DNER: variants seen among roughly 807,000 people sequenced by gnomAD.
The protein encoded by DNER is delta and Notch-like epidermal growth factor-related receptor.
Under a neutral mutation model 78.2 loss-of-function variants are expected in DNER, and 33 were observed. The ratio of observed to expected loss-of-function variants is 0.42; its 90% CI spans 0.32 to 0.56. The LOEUF (loss-of-function observed/expected upper bound fraction) is 0.56, where lower values mean the gene tolerates loss of function less well. DNER is among the 20% of genes least tolerant of loss of function. The pLI is 0.11. For synonymous variants in DNER, 417 were observed against 384.8 expected (o/e 1.08, Z -0.98); for missense variants, 918 against 975.3 (o/e 0.94, Z 0.78).
intron 5 of DNER, among the ~76,000 whole-genome samples, chr2:229,543,643 C>T (rs772498804): frequency 3.3e-5 from 5 of 152,114 alleles, no homozygotes; most frequent in South Asian, 2.1e-4. Flanking sequence ...CTGTGTGTCT[C>T]CTCCTCCTCC....
chr2:229,407,617 A>G (rs533559685), intron 9 of DNER, among the ~76,000 whole-genome samples: 1 of 152,318 alleles, frequency 6.6e-6, no homozygotes, highest in South Asian at 2.1e-4. Context: ...AAGCCTGGGG[A>G]ACAGAAAGTT....
chr2:229,549,783 C>T (rs1407991214), intron 4 of DNER, among the ~76,000 whole-genome samples: 2 of 151,702 alleles, frequency 1.3e-5, no homozygotes, highest in Non-Finnish European at 2.9e-5. Context: ...TGTTGGCATG[C>T]GCCTGTAATC....
chr2:229,547,153 G>A lies in DNER; in HGVS notation c.848-61C>T. ...GTCTCCTCTTTAAAGGCAGTGTGTT[G>A]AAAGCTTTACCAACAGCCTTTCTAC... On this transcript the variant is annotated intron_variant, in intron 4 of 12. Transcript: ENST00000341772. The A allele has an allele frequency of 6.9e-6, 11 of 1,593,012 alleles. No homozygotes were observed. The South Asian group carries it at 1.2e-4, about 18-fold the overall frequency.
At chr2:229,576,119 C>T (rs182411802) in intron 4 of DNER, among the ~76,000 whole-genome samples, 20 of 152,150 alleles carry the variant, frequency 1.3e-4, no homozygotes, top group African/African-American at 4.8e-4. Flanking sequence ...TTCAGCAGAA[C>T]TTACTCAATT....
At chr2:229,536,905 C>T (rs900981260) in intron 5 of DNER, among the ~76,000 whole-genome samples, 1 of 152,166 alleles carries the variant, frequency 6.6e-6, no homozygotes, top group Non-Finnish European at 1.5e-5. Context: ...CACCTGTACC[C>T]TCATTTTCTC....
At chr2:229,601,264 T>C (rs1697821469) in intron 1 of DNER, among the ~76,000 whole-genome samples, 2 of 152,292 alleles carry the variant, frequency 1.3e-5, no homozygotes, top group South Asian at 2.1e-4. Flanking sequence ...AAGAAATTTT[T>C]CCCACCTTCT....
intron 7 of DNER, among the ~76,000 whole-genome samples, chr2:229,467,974 C>T (rs997765878): frequency 4.6e-5 from 7 of 152,298 alleles, no homozygotes; most frequent in African/African-American, 9.6e-5. Flanking sequence ...GTTCACATGG[C>T]CGGCTGCCAC....
intron 1 of DNER, among the ~76,000 whole-genome samples, chr2:229,650,501 TAG>T (rs1339200628): frequency 6.6e-6 from 1 of 152,176 alleles, no homozygotes; most frequent in Non-Finnish European, 1.5e-5. Context: ...ACAAATTCAG[TAG>T]AGTCAGACCC....
chr2:229,478,754 C>G (rs1261120947), intron 6 of DNER, among the ~76,000 whole-genome samples: 1 of 152,158 alleles, frequency 6.6e-6, no homozygotes, highest in Non-Finnish European at 1.5e-5. Flanking sequence ...TTCATCCATA[C>G]TCACGTAACC....
chr2:229,472,981 T>C (rs1312516627), intron 7 of DNER, among the ~76,000 whole-genome samples: 1 of 152,150 alleles, frequency 6.6e-6, no homozygotes, highest in African/African-American at 2.4e-5. Context: ...TTTGGAACTT[T>C]GTGAAGGAGC....
At chr2:229,594,662 C>T (rs550545602) in intron 1 of DNER, among the ~76,000 whole-genome samples, 1 of 151,912 alleles carries the variant, frequency 6.6e-6, no homozygotes, top group Non-Finnish European at 1.5e-5. Context: ...AGCTACTATA[C>T]TAGGAGACCA....
At chr2:229,616,820 T>A (rs1193000257) in intron 1 of DNER, among the ~76,000 whole-genome samples, 2 of 152,222 alleles carry the variant, frequency 1.3e-5, no homozygotes, top group South Asian at 2.1e-4. Flanking sequence ...TGAGCATTCC[T>A]AATGTATCTT....
chr2:229,418,315 G>T, intron 8 of DNER, 85 bp from the exon 9 acceptor site: 1 of 1,569,318 alleles, frequency 6.4e-7, no homozygotes, highest in Non-Finnish European at 8.7e-7. Flanking sequence ...GGCAGTTGGG[G>T]GTATTCATTA....
intron 4 of DNER, among the ~76,000 whole-genome samples, chr2:229,574,827 T>C (rs773908475): frequency 5.9e-5 from 9 of 152,144 alleles, no homozygotes; most frequent in Non-Finnish European, 1.2e-4. Flanking sequence ...AGAGAAGAGA[T>C]GCTACAAAGG....
intron 1 of DNER, among the ~76,000 whole-genome samples, chr2:229,664,332 C>T (rs1699055422): frequency 7.4e-6 from 1 of 134,458 alleles, no homozygotes. Flanking sequence ...GATGCAAGCA[C>T]CATCCAGGGC....
chr2:229,640,555 A>C (rs1698599700), intron 1 of DNER, among the ~76,000 whole-genome samples: 1 of 152,248 alleles, frequency 6.6e-6, no homozygotes, highest in Non-Finnish European at 1.5e-5. Context: ...AAAATATTTC[A>C]AATCAGTTTA....
intron 8 of DNER, among the ~76,000 whole-genome samples, chr2:229,426,999 A>G (rs1693893210): frequency 6.6e-6 from 1 of 152,212 alleles, no homozygotes; most frequent in South Asian, 2.1e-4. Flanking sequence ...TTATCCTTTT[A>G]TTGCTCATGG....
chr2:229,398,392 C>T (rs533930443), intron 10 of DNER, among the ~76,000 whole-genome samples: 90 of 152,054 alleles, frequency 5.9e-4, no homozygotes, highest in Non-Finnish European at 1.2e-3. Context: ...GGTCCAAATG[C>T]TTTCACTGGT....
intron 1 of DNER, among the ~76,000 whole-genome samples, chr2:229,710,757 G>C (rs1699898905): frequency 6.6e-6 from 1 of 152,076 alleles, no homozygotes; most frequent in Non-Finnish European, 1.5e-5. Flanking sequence ...TTCTGCATTT[G>C]ACTAAAAGAG....
Sources: gnomAD v4.1 joint callset for allele counts (sites outside exome capture counted in the v4.1 genomes callset) on GRCh38, gnomAD v4.1.1 for gene constraint, MANE v1.5 for transcripts, NCBI Gene and HGNC (gene_info 2026-07-23, HGNC 2026-07-21) for gene names.